Variants in ABCB5 observed in about 807,000 individuals in gnomAD.
ABCB5 encodes ATP-binding cassette sub-family B member 5.
In ABCB5, 155 loss-of-function variants were observed where a neutral mutation model predicts 144.2. The observed-to-expected ratio is 1.08, with a 90% CI of 0.94 to 1.23. The LOEUF (loss-of-function observed/expected upper bound fraction) is 1.23, where lower values mean the gene tolerates loss of function less well. Among genes scored for constraint, ABCB5 ranks in the 50% most tolerant of loss-of-function variants. ABCB5 has a pLI of 0.00. For synonymous variants in ABCB5, 610 were observed against 528.6 expected (o/e 1.15, Z -2.11); for missense variants, 1,830 against 1,520.8 (o/e 1.20, Z -3.38).
At position 20,643,605 on chromosome 7, in the gene ABCB5, A is replaced by C; in HGVS notation, c.651A>C (p.Ile217=). Residue 217 remains isoleucine (I), a synonymous_variant, in exon 7 of 28, where the codon ATA becomes ATC. Coordinates refer to ENST00000404938, the MANE Select transcript of ABCB5 (RefSeq NM_001163941.2). ...TLVTLSTSPL[I]MASAAACSRM... The stretch of plus-strand genomic sequence containing the variant: ...TGACTCTATCCACGTCTCCTCTTAT[A>C]ATGGCTTCAGCGGCAGCATGTTCTA... The C allele has an allele frequency of 6.2e-7, 1 of 1,613,986 alleles. No individual in the cohort carries two copies. Among genetic ancestry groups the C allele is most frequent in the Admixed American group, 1.7e-5 (1 of 59,998 alleles).
intron 20 of ABCB5, among the ~76,000 whole-genome samples, chr7:20,713,188 A>G (rs1405421002): frequency 6.8e-6 from 1 of 147,264 alleles, no homozygotes; most frequent in Admixed American, 6.8e-5. Context: ...CCATGGATTC[A>G]TTTTTATCCT....
chr7:20,623,818 T>C (rs966004173), intron 2 of ABCB5, among the ~76,000 whole-genome samples: 9 of 152,266 alleles, frequency 5.9e-5, no homozygotes, highest in African/African-American at 1.9e-4. Context: ...GAAATAGTTT[T>C]ACATCTATTT....
intron 23 of ABCB5, among the ~76,000 whole-genome samples, chr7:20,733,525 A>T (rs1170469006): frequency 6.6e-6 from 1 of 152,214 alleles, no homozygotes; most frequent in Non-Finnish European, 1.5e-5. Flanking sequence ...CATAAGAGTA[A>T]CAATTAAAGA....
At chr7:20,724,899 T>C (rs1334334502) in intron 21 of ABCB5, among the ~76,000 whole-genome samples, 1 of 152,194 alleles carries the variant, frequency 6.6e-6, no homozygotes, top group African/African-American at 2.4e-5. Flanking sequence ...GATTGTTTGC[T>C]TGTGCTGTAT....
chr7:20,747,993 C>G (rs1782783016), intron 26 of ABCB5, among the ~76,000 whole-genome samples: 1 of 152,300 alleles, frequency 6.6e-6, no homozygotes, highest in African/African-American at 2.4e-5. Flanking sequence ...GAACCAAGAA[C>G]TAAGCTAAAT....
intron 2 of ABCB5, among the ~76,000 whole-genome samples, chr7:20,624,871 G>C (rs1399754554): frequency 2.0e-5 from 3 of 152,220 alleles, no homozygotes; most frequent in Admixed American, 6.5e-5. Flanking sequence ...TCCGCCCTTG[G>C]CCTTTGCCAA....
chr7:20,728,971 G>A (rs1436204381), intron 23 of ABCB5, among the ~76,000 whole-genome samples: 5 of 151,814 alleles, frequency 3.3e-5, no homozygotes, highest in Non-Finnish European at 5.9e-5. Context: ...CATATTTTAG[G>A]GGTACACATG....
intron 5 of ABCB5, among the ~76,000 whole-genome samples, chr7:20,636,416 A>T (rs1784156096): frequency 6.6e-6 from 1 of 152,160 alleles, no homozygotes; most frequent in Non-Finnish European, 1.5e-5. Flanking sequence ...TAAATTTATA[A>T]GGAAACATAC....
chr7:20,680,964 CTTT>C, intron 14 of ABCB5, among the ~76,000 whole-genome samples: 3 of 148,112 alleles, frequency 2.0e-5, no homozygotes, highest in African/African-American at 5.0e-5. Flanking sequence ...TCCCTCCCTC[CTTT>C]CTTTTTCTTT....
chr7:20,710,558 T>A (rs1489778828), intron 20 of ABCB5, among the ~76,000 whole-genome samples: 2 of 149,020 alleles, frequency 1.3e-5, no homozygotes, highest in Non-Finnish European at 1.5e-5. Flanking sequence ...AGATAGAGGG[T>A]CAGATTTGGC....
At chr7:20,669,720 C>G (rs556955659) in intron 14 of ABCB5, among the ~76,000 whole-genome samples, 1 of 47,908 alleles carries the variant, frequency 2.1e-5, no homozygotes, top group Admixed American at 2.3e-4. Context: ...CAAGAATGAT[C>G]AATAAAAAAA....
chr7:20,711,794 T>TCCCTCTCTCTC (rs1562573624), intron 20 of ABCB5, among the ~76,000 whole-genome samples: 1 of 85,676 alleles, frequency 1.2e-5, no homozygotes. Flanking sequence ...CTTTCTTTCT[T>TCCCTCTCTCTC]TCTTTCTTTC....
intron 4 of ABCB5, among the ~76,000 whole-genome samples, chr7:20,630,362 T>G (rs1392221156): frequency 6.6e-6 from 1 of 151,944 alleles, no homozygotes; most frequent in East Asian, 1.9e-4. Flanking sequence ...AATTATACCT[T>G]CTTGTTTTCC....
At chr7:20,666,985 T>C in intron 14 of ABCB5, 2 of 868,490 alleles carry the variant, frequency 2.3e-6, no homozygotes, top group East Asian at 3.2e-5. Flanking sequence ...TATTTTGTTG[T>C]TGTTCACTAT....
Position 20,755,949 on chromosome 7 carries a change from AG to A in ABCB5, c.*330del, listed in dbSNP as rs1047596404. 4 of 301,126 alleles carry A rather than the reference AG, an allele frequency of 1.3e-5. No homozygotes were observed. Among genetic ancestry groups the A allele is most frequent in the African/African-American group, 6.5e-5 (3 of 45,908 alleles). 18.7% of individuals were successfully genotyped at this position (301,126 alleles called of 1,614,324 possible). Reference sequence around the variant, plus strand: ...GCTATAAAATCGGAAATATGTTTCCAGGGGGAATATTATCCAATTAACCATG... The same window carrying A: ...GCTATAAAATCGGAAATATGTTTCCAGGGGAATATTATCCAATTAACCATG... On this transcript the variant is annotated 3_prime_UTR_variant, in exon 28 of 28. Transcript: ENST00000404938.
At chr7:20,694,549 G>C (rs983557427) in intron 16 of ABCB5, among the ~76,000 whole-genome samples, 4 of 151,924 alleles carry the variant, frequency 2.6e-5, no homozygotes, top group Non-Finnish European at 4.4e-5. Flanking sequence ...CAAGGCAAGG[G>C]CATACACTAC....
intron 4 of ABCB5, among the ~76,000 whole-genome samples, 172 bp downstream of exon 4, chr7:20,629,010 A>C (rs11543624): frequency 0.056 from 8,528 of 152,232 alleles, 337 homozygotes; most frequent in South Asian, 0.14. Context: ...CAAAATCTTC[A>C]TGACCACAGA....
intron 1 of ABCB5, among the ~76,000 whole-genome samples, chr7:20,618,950 C>A (rs374856330): frequency 1.3e-5 from 2 of 151,226 alleles, no homozygotes; most frequent in African/African-American, 4.9e-5. Context: ...AATTTTTGTA[C>A]CTTTAGTGGA....
At chr7:20,737,056 G>A (rs1782401503) in intron 23 of ABCB5, among the ~76,000 whole-genome samples, 1 of 152,062 alleles carries the variant, frequency 6.6e-6, no homozygotes, top group Non-Finnish European at 1.5e-5. Flanking sequence ...GCTTCAGGAG[G>A]TGGAGGCAGG....
Sources: gnomAD v4.1 joint callset for allele counts (sites outside exome capture counted in the v4.1 genomes callset) on GRCh38, gnomAD v4.1.1 for gene constraint, MANE v1.5 for transcripts, NCBI Gene and HGNC (gene_info 2026-07-23, HGNC 2026-07-21) for gene names.